The following PCDHGA6 variants were observed in gnomAD, a reference collection of about 807,000 sequenced individuals.
PCDHGA6 encodes the protein protocadherin gamma subfamily A, 6, also known as protocadherin gamma-A6.
PCDHGA6 carries 41 observed loss-of-function variants against 60.6 expected under a neutral mutation model. The observed-to-expected ratio is 0.68, with a 90% CI of 0.53 to 0.88. PCDHGA6 has a LOEUF of 0.88. PCDHGA6 is among the 40% of genes least tolerant of loss of function. The pLI is 0.00. For synonymous variants in PCDHGA6, 594 were observed against 524.4 expected, an observed-to-expected ratio of 1.13 and a Z score of -1.81; for missense variants, 1,312 against 1,203.0, an observed-to-expected ratio of 1.09 and a Z score of -1.34.
At chr5:141,393,559 T>A (rs1349401032) in intron 1 of PCDHGA6, 1 of 1,613,814 alleles carries the variant, frequency 6.2e-7, no homozygotes, top group Non-Finnish European at 8.5e-7. Context: ...ATTTACCGAG[T>A]GAAAGTCCTT....
rs1373678836 is a variant in PCDHGA6, at chr5:141,477,459, C to T, written c.2425-17348C>T. 6.2e-7 allele frequency: 1 copy of T among 1,614,186 alleles called. No homozygotes were observed. The highest frequency in any genetic ancestry group is 8.5e-7 in the Non-Finnish European group (1 of 1,180,034). On this transcript the variant is annotated intron_variant, in intron 1 of 3. Coordinates refer to ENST00000517434, the MANE Select transcript of PCDHGA6 (RefSeq NM_018919.3). This position sits in a 1 kb window ranked among gnomAD's most constrained non-coding sequence, Gnocchi z 4.9. ...CTTACAATAGTGCGTGTTCAAGTGTCCGACATCAATGACAACCCTCCACAA... is the reference window on the plus strand; with the variant it reads ...CTTACAATAGTGCGTGTTCAAGTGTTCGACATCAATGACAACCCTCCACAA...
intron 1 of PCDHGA6, chr5:141,492,079 G>A (rs1400390407): frequency 4.1e-6 from 2 of 486,168 alleles, no homozygotes; most frequent in African/African-American, 2.0e-5. Context: ...CGCCGGCTCC[G>A]GCACGCTTCG....
intron 1 of PCDHGA6, among the ~76,000 whole-genome samples, chr5:141,420,793 T>C (rs1400287885): frequency 6.6e-6 from 1 of 152,268 alleles, no homozygotes; most frequent in Non-Finnish European, 1.5e-5. Flanking sequence ...TGAAAACTTT[T>C]TAAAAATTAA....
At chr5:141,450,516 C>T (rs150995579) in intron 1 of PCDHGA6, among the ~76,000 whole-genome samples, 2,020 of 152,024 alleles carry the variant, frequency 0.013, 56 homozygotes, top group African/African-American at 0.046. Context: ...GATGGAGTCT[C>T]ATTCTTGTCA....
At chr5:141,376,845 C>A (rs993126177) in intron 1 of PCDHGA6, 21 of 242,440 alleles carry the variant, frequency 8.7e-5, no homozygotes, top group Admixed American at 3.1e-4. Context: ...CGCCACCGCG[C>A]CCGGCTAATT....
chr5:141,400,645 G>A, intron 1 of PCDHGA6: 1 of 1,239,756 alleles, frequency 8.1e-7, no homozygotes, highest in Non-Finnish European at 1.2e-6. Context: ...TGCTCAGAAA[G>A]CTGTCCTACC....
chr5:141,418,439 T>C (rs1284999606), intron 1 of PCDHGA6: 1 of 1,613,812 alleles, frequency 6.2e-7, no homozygotes, highest in Non-Finnish European at 8.5e-7. Flanking sequence ...ATATCCAGAA[T>C]TAGTATTGCA....
intron 1 of PCDHGA6, among the ~76,000 whole-genome samples, chr5:141,396,957 T>C (rs1169025850): frequency 6.6e-6 from 1 of 152,214 alleles, no homozygotes; most frequent in East Asian, 1.9e-4. Flanking sequence ...AGAAAATCCT[T>C]ACTCTCCCTA....
chr5:141,438,983 T>C (rs1296267457), intron 1 of PCDHGA6, among the ~76,000 whole-genome samples: 1 of 151,930 alleles, frequency 6.6e-6, no homozygotes, highest in Non-Finnish European at 1.5e-5. Context: ...TGACTTATCT[T>C]AAAAGGCTAA....
chr5:141,499,253 T>C (rs1189676230), intron 2 of PCDHGA6, among the ~76,000 whole-genome samples: 1 of 152,030 alleles, frequency 6.6e-6, no homozygotes, highest in Non-Finnish European at 1.5e-5. Context: ...ACAAAGAGTC[T>C]CCATTTGGTC....
At chr5:141,444,659 C>G (rs2098443878) in intron 1 of PCDHGA6, among the ~76,000 whole-genome samples, 1 of 152,032 alleles carries the variant, frequency 6.6e-6, no homozygotes, top group African/African-American at 2.4e-5. Context: ...GAAGTTATTT[C>G]CCATTTTTTT....
At chr5:141,405,448 CT>C in intron 1 of PCDHGA6, 1 of 1,314,740 alleles carries the variant, frequency 7.6e-7, no homozygotes, top group Non-Finnish European at 1.1e-6. Flanking sequence ...GAGACAGAGT[CT>C]TACTCTGTTA....
chr5:141,420,963 A>T, intron 1 of PCDHGA6: 1 of 430,262 alleles, frequency 2.3e-6, no homozygotes, highest in Non-Finnish European at 4.1e-6. Flanking sequence ...TAGTCGTTGC[A>T]ATAATAAGAA....
In PCDHGA6 at chr5:141,454,796, A is replaced by ATTTTTTTTTTTTTTTTTTT. The variant is rs61612330; in HGVS notation, c.2425-40000_2425-39982dup. Among the ~76,000 whole-genome samples the ATTTTTTTTTTTTTTTTTTT allele has an allele frequency of 2.8e-4, 22 of 77,458 alleles. 2 individuals are homozygous for ATTTTTTTTTTTTTTTTTTT. Among genetic ancestry groups the ATTTTTTTTTTTTTTTTTTT allele is most frequent in the East Asian group, 4.0e-4 (1 of 2,512 alleles). The allele number at this position is 77,458 out of a possible 152,430, so 50.8% of individuals were successfully genotyped here. The stretch of plus-strand genomic sequence containing the variant: ...AAGGAAATAATCCTCCATGGTTCTA[A>ATTTTTTTTTTTTTTTTTTT]TTTTTTTTTTTTTTTTTTTTTTTTT... On this transcript the variant is annotated intron_variant, in intron 1 of 3. Coordinates refer to ENST00000517434, the MANE Select transcript of PCDHGA6 (RefSeq NM_018919.3).
chr5:141,487,748 T>A lies in PCDHGA6; in HGVS notation c.2425-7059T>A, dbSNP rs1458153935. ...TGTCACCATTTTTGTAAGAGGTAACTATGTGGTAGACGCTGTGCTTTGTAA... is the reference window on the plus strand; with the variant it reads ...TGTCACCATTTTTGTAAGAGGTAACAATGTGGTAGACGCTGTGCTTTGTAA... On this transcript the variant is annotated intron_variant, in intron 1 of 3. Transcript: ENST00000517434. This position sits in a 1 kb window ranked among gnomAD's most constrained non-coding sequence, Gnocchi z 5.0. 6.4e-7 allele frequency: 1 copy of A among 1,557,554 alleles called. No homozygotes were observed. The highest frequency in any genetic ancestry group is 1.2e-5 in the South Asian group (1 of 84,814).
intron 1 of PCDHGA6, chr5:141,427,019 CAA>C (rs1369360584): frequency 8.8e-6 from 4 of 456,798 alleles, no homozygotes; most frequent in Admixed American, 2.3e-5. Flanking sequence ...AGGATGTATA[CAA>C]AGTCAGCCTT....
At chr5:141,500,188 ATT>A (rs2099797463) in intron 2 of PCDHGA6, among the ~76,000 whole-genome samples, 1 of 98,146 alleles carries the variant, frequency 1.0e-5, no homozygotes, top group African/African-American at 5.1e-5. Flanking sequence ...TTTTATTTTT[ATT>A]TATTTATTTA....
chr5:141,384,735 C>T (rs1258816819), intron 1 of PCDHGA6: 9 of 1,614,026 alleles, frequency 5.6e-6, no homozygotes, highest in Non-Finnish European at 6.8e-6. Flanking sequence ...TTAAGGCCAG[C>T]GAGCCAGGAC....
intron 1 of PCDHGA6, chr5:141,378,812 C>A (rs1775174310): frequency 6.6e-6 from 1 of 152,148 alleles, no homozygotes; most frequent in Admixed American, 6.5e-5. Flanking sequence ...CAAACAGAAT[C>A]ATTGTTTCAT....
Sources: gnomAD v4.1 joint callset for allele counts (sites outside exome capture counted in the v4.1 genomes callset) on GRCh38, gnomAD v4.1.1 for gene constraint, Gnocchi (gnomAD v3.1) non-coding constraint, MANE v1.5 for transcripts, NCBI Gene and HGNC (gene_info 2026-07-23, HGNC 2026-07-21) for gene names.